The following ENTPD1 variants were observed in gnomAD, a reference collection of about 807,000 sequenced individuals.
The protein encoded by ENTPD1 is ATP diphosphohydrolase.
Under a neutral mutation model 57.0 loss-of-function variants are expected in ENTPD1, and 33 were observed. That is an observed-to-expected ratio of 0.58 (90% CI 0.44 to 0.77). The LOEUF is 0.77. Among genes scored for constraint, ENTPD1 ranks in the 30% least tolerant of loss-of-function variants. The pLI is 0.00. For missense variants in ENTPD1, 501 were observed against 603.4 expected (o/e 0.83, Z 1.78); for synonymous variants, 202 against 218.8 (o/e 0.92, Z 0.68).
At chr10:95,711,297 G>A (rs1007558208), upstream of ENTPD1, among the ~76,000 whole-genome samples, 6 of 152,136 alleles carry the variant, frequency 3.9e-5, no homozygotes, top group Admixed American at 6.5e-5. Context: ...ATTGCAGAGC[G>A]GGTCCTGTCC....
At chr10:95,820,117 G>C (rs2098343971) in intron 1 of ENTPD1, among the ~76,000 whole-genome samples, 1 of 152,042 alleles carries the variant, frequency 6.6e-6, no homozygotes, top group South Asian at 2.1e-4. Flanking sequence ...CCTCTTCTTT[G>C]GCACCACTTC....
At chr10:95,839,556 C>T in intron 2 of ENTPD1, 135 bp from the exon 3 acceptor site, 1 of 865,046 alleles carries the variant, frequency 1.2e-6, no homozygotes, top group Non-Finnish European at 2.0e-6. Flanking sequence ...GGAGTGACTC[C>T]AGTGCCATCC....
In ENTPD1 at chr10:95,713,822, G is replaced by GA. The variant is rs372736274; in HGVS notation, c.37+1837dup. ...TCTACCATGAAGCAGCAGCAGAAAG[G>GA]AAAAAAAATCTATCAACTATTTTTA... On this transcript the variant is annotated intron_variant, in intron 1 of 9. Transcript: ENST00000453258. Among the ~76,000 whole-genome samples the GA allele has an allele frequency of 1.5e-3, 221 of 151,772 alleles. 3 individuals carry two copies. The highest frequency in any genetic ancestry group is 5.0e-3 in the African/African-American group (207 of 41,416).
At position 95,793,686 on chromosome 10, in the gene ENTPD1, T is replaced by C. The variant is rs367928265; in HGVS notation, c.17-29551T>C. On this transcript the variant is annotated intron_variant, in intron 1 of 9. Coordinates refer to ENST00000371205, the MANE Select transcript of ENTPD1 (RefSeq NM_001776.6). ...AGTTGTAATAAGCCTTCCAGGTGATTCTGATGCAGGTTTATGGTTAAGAAT... is the reference window on the plus strand; with the variant it reads ...AGTTGTAATAAGCCTTCCAGGTGATCCTGATGCAGGTTTATGGTTAAGAAT... Among the ~76,000 whole-genome samples the C allele has an allele frequency of 1.2e-4, 18 of 152,258 alleles. No homozygotes were observed. The East Asian group carries it at 3.5e-3, about 29-fold the overall frequency.
At chr10:95,697,085 C>T in the ENTPD1 span, among the ~76,000 whole-genome samples, 1 of 152,186 alleles carries the variant, frequency 6.6e-6, no homozygotes, top group South Asian at 2.1e-4. Flanking sequence ...GGACAAACAA[C>T]AGTTGCATAA....
At chr10:95,820,624 C>A (rs749813341) in intron 1 of ENTPD1, among the ~76,000 whole-genome samples, 1 of 152,198 alleles carries the variant, frequency 6.6e-6, no homozygotes. Context: ...TCAAATGTCA[C>A]CTTCAAGGTC....
At position 95,875,891 on chromosome 10, in the gene ENTPD1, C is replaced by A; in HGVS notation, c.*9508C>A. ...CCAGCCCCCTTGATTCAATTACCTC[C>A]CCCTGGGTCCTGTGGGAATTCTGGA... On this transcript the variant is annotated 3_prime_UTR_variant, in exon 10 of 10. Coordinates refer to ENST00000371205, the MANE Select transcript of ENTPD1 (RefSeq NM_001776.6). 2 of 792,790 alleles carry A rather than the reference C, an allele frequency of 2.5e-6. No individual in the cohort carries two copies. Among genetic ancestry groups the A allele is most frequent in the Non-Finnish European group, 3.1e-6 (2 of 654,376 alleles). The allele number at this position is 792,790 out of a possible 1,614,324, so 49.1% of individuals were successfully genotyped here. A position where few individuals can be genotyped will look rare whatever the true frequency, so the allele number is the denominator to read the frequency against.
chr10:95,755,515 AAAG>A, upstream of ENTPD1: 1 of 607,196 alleles, frequency 1.6e-6, no homozygotes, highest in South Asian at 2.1e-5. Context: ...GTAGGAAGTC[AAAG>A]TTGGGAAATG....
chr10:95,736,096 G>C (rs1055130863), intron 1 of ENTPD1, among the ~76,000 whole-genome samples: 2 of 150,168 alleles, frequency 1.3e-5, no homozygotes, highest in African/African-American at 4.9e-5. Flanking sequence ...CGCCTCCCTG[G>C]TTCAAGGAAT....
rs1021834438 is a variant in ENTPD1 at position 95,869,555 on chromosome 10, T to A, written c.*3172T>A. On this transcript the variant is annotated 3_prime_UTR_variant, in exon 10 of 10. Transcript: ENST00000371205. ...GTGAGCCACCATGCCTGGCCAGAAG[T>A]GGTTACTTCTGTAGACAAAAGAATA... The A allele has an allele frequency of 2.8e-5, 28 of 985,090 alleles. No homozygotes were observed. The highest frequency in any genetic ancestry group is 3.1e-5 in the Non-Finnish European group (26 of 829,890). 61.0% of individuals were successfully genotyped at this position (985,090 alleles called of 1,614,324 possible).
chr10:95,763,949 TGTTGAA>T (rs1258930249), intron 1 of ENTPD1, among the ~76,000 whole-genome samples: 2 of 152,234 alleles, frequency 1.3e-5, no homozygotes, highest in African/African-American at 4.8e-5. Context: ...AGTTGGTAAG[TGTTGAA>T]GTTGAGATTC....
Position 95,861,264 on chromosome 10 carries a change from CCTA to C in ENTPD1, c.1188+685_1188+687del, listed in dbSNP as rs559728030. 304 of 152,698 alleles carry C rather than the reference CCTA, an allele frequency of 2.0e-3. 3 individuals are homozygous for C. Among genetic ancestry groups the C allele is most frequent in the Middle Eastern group, 6.8e-3 (2 of 294 alleles). The allele number at this position is 152,698 out of a possible 1,614,324, so 9.5% of individuals were successfully genotyped here. A position where few individuals can be genotyped will look rare whatever the true frequency, so the allele number is the denominator to read the frequency against. ...TCCATTTCCCAGGTCCAAGATATCT[CCTA>C]CTTATTCATAAACTTGAAGCACAAT... On this transcript the variant is annotated intron_variant, in intron 8 of 9. Transcript: ENST00000371205.
chr10:95,759,679 C>A (rs1293817826), intron 1 of ENTPD1, among the ~76,000 whole-genome samples: 2 of 152,160 alleles, frequency 1.3e-5, no homozygotes, highest in African/African-American at 4.8e-5. Flanking sequence ...GTTCCCATGC[C>A]ACACAGATCC....
the ENTPD1 span, among the ~76,000 whole-genome samples, chr10:95,696,179 CT>C: frequency 2.6e-5 from 4 of 151,858 alleles, no homozygotes; most frequent in South Asian, 2.1e-4. Flanking sequence ...TTTAACACAA[CT>C]TTTTTTTAGA....
At chr10:95,714,773 A>ATC (rs976806293) in intron 1 of ENTPD1, among the ~76,000 whole-genome samples, 4 of 148,474 alleles carry the variant, frequency 2.7e-5, no homozygotes, top group Admixed American at 2.7e-4. Context: ...AATTTCAAAA[A>ATC]TTTTTTTTTT....
At chr10:95,860,195 T>C (rs1038259368) in intron 7 of ENTPD1, among the ~76,000 whole-genome samples, 1 of 152,136 alleles carries the variant, frequency 6.6e-6, no homozygotes, top group Non-Finnish European at 1.5e-5. Context: ...TTCTCTCTCT[T>C]TTCTTATTCT....
intron 7 of ENTPD1, among the ~76,000 whole-genome samples, chr10:95,852,343 T>C (rs2098446823): frequency 6.6e-6 from 1 of 152,230 alleles, no homozygotes; most frequent in African/African-American, 2.4e-5. Context: ...CTTTGTCAGA[T>C]GATTAGGTTG....
chr10:95,739,449 T>G (rs1039302088), intron 1 of ENTPD1, among the ~76,000 whole-genome samples: 8 of 152,374 alleles, frequency 5.3e-5, no homozygotes, highest in Non-Finnish European at 1.0e-4. Context: ...CGATGTTCAC[T>G]GCATCTTCCC....
chr10:95,772,944 G>A (rs1589761223), intron 1 of ENTPD1, among the ~76,000 whole-genome samples: 1 of 152,256 alleles, frequency 6.6e-6, no homozygotes, highest in East Asian at 1.9e-4. Flanking sequence ...AAGTTTATTT[G>A]GCTCACAATT....
Sources: gnomAD v4.1 joint callset for allele counts (sites outside exome capture counted in the v4.1 genomes callset) on GRCh38, gnomAD v4.1.1 for gene constraint, MANE v1.5 for transcripts, NCBI Gene and HGNC (gene_info 2026-07-23, HGNC 2026-07-21) for gene names.